Variants in BRD10 observed in about 807,000 individuals in gnomAD.
BRD10 encodes uncharacterized bromodomain-containing protein 10.
the BRD10 span, among the ~76,000 whole-genome samples, chr9:5,885,668 C>G: frequency 1.3e-5 from 2 of 152,162 alleles, no homozygotes; most frequent in Non-Finnish European, 2.9e-5. Context: ...CCACCGCACC[C>G]GGCCCATATG....
At chr9:5,887,091 T>A in the BRD10 span, among the ~76,000 whole-genome samples, 178 of 152,158 alleles carry the variant, frequency 1.2e-3, no homozygotes, top group Non-Finnish European at 1.6e-3. Flanking sequence ...AAATCCTGTC[T>A]CTACTAAAAA....
At chr9:5,954,789 G>GGT in the BRD10 span, among the ~76,000 whole-genome samples, 1 of 152,076 alleles carries the variant, frequency 6.6e-6, no homozygotes, top group Admixed American at 6.6e-5. Context: ...ATACATACAT[G>GGT]CATAAAAATT....
At chr9:5,995,163 A>G in the BRD10 span, among the ~76,000 whole-genome samples, 1 of 152,138 alleles carries the variant, frequency 6.6e-6, no homozygotes, top group Non-Finnish European at 1.5e-5. Context: ...GGCATCCCAA[A>G]TTGCTGGGAT....
chr9:5,911,576 C>T, the BRD10 span, among the ~76,000 whole-genome samples: 5 of 149,144 alleles, frequency 3.4e-5, no homozygotes, highest in African/African-American at 1.2e-4. Context: ...CTCTCTGTTG[C>T]CCAGGCGGAG....
chr9:5,975,285 C>T, the BRD10 span, among the ~76,000 whole-genome samples: 2 of 150,860 alleles, frequency 1.3e-5, no homozygotes, highest in Non-Finnish European at 3.0e-5. Context: ...AAAAAAAATA[C>T]AAAATTAGCT....
At chr9:5,928,584 A>G in the BRD10 span, among the ~76,000 whole-genome samples, 1 of 152,052 alleles carries the variant, frequency 6.6e-6, no homozygotes, top group Admixed American at 6.6e-5. Context: ...AACGCCAAAC[A>G]TGCTATCAAC....
chr9:5,940,489 G>C, the BRD10 span, among the ~76,000 whole-genome samples: 2 of 152,094 alleles, frequency 1.3e-5, no homozygotes, highest in African/African-American at 2.4e-5. Context: ...CACCGCGCCT[G>C]GCCTATTGTG....
At chr9:6,007,143 A>T in the BRD10 span, 13 of 1,547,790 alleles carry the variant, frequency 8.4e-6, no homozygotes, top group South Asian at 9.4e-5. Flanking sequence ...GGCACGTGTG[A>T]GTGTGTGTTT....
At chr9:5,954,878 G>C in the BRD10 span, among the ~76,000 whole-genome samples, 2 of 152,046 alleles carry the variant, frequency 1.3e-5, no homozygotes, top group Non-Finnish European at 2.9e-5. Flanking sequence ...ATCACCAGAG[G>C]TCAGTTCGAG....
the BRD10 span, among the ~76,000 whole-genome samples, chr9:5,895,573 G>C: frequency 6.6e-6 from 1 of 152,080 alleles, no homozygotes; most frequent in Non-Finnish European, 1.5e-5. Flanking sequence ...ACCTGCTTTG[G>C]GTATTATGTA....
the BRD10 span, among the ~76,000 whole-genome samples, chr9:5,955,226 G>A: frequency 6.6e-6 from 1 of 151,612 alleles, no homozygotes; most frequent in Non-Finnish European, 1.5e-5. Flanking sequence ...CACTGTACAA[G>A]CTACGGGGAC....
the BRD10 span, chr9:5,897,552 G>A: frequency 5.1e-5 from 82 of 1,613,642 alleles, 1 homozygote; most frequent in Admixed American, 1.3e-3. Context: ...TATCTCTTGG[G>A]CCAGGGCCGC....
chr9:5,951,249 CT>C, the BRD10 span, among the ~76,000 whole-genome samples: 1 of 151,586 alleles, frequency 6.6e-6, no homozygotes, highest in African/African-American at 2.4e-5. Context: ...CAAGTTCTAG[CT>C]TTAAAAAAAG....
At chr9:5,927,992 G>A in the BRD10 span, among the ~76,000 whole-genome samples, 1 of 152,074 alleles carries the variant, frequency 6.6e-6, no homozygotes, top group Non-Finnish European at 1.5e-5. Flanking sequence ...CCAATTATAT[G>A]TCTAAAGAGC....
the BRD10 span, among the ~76,000 whole-genome samples, chr9:6,005,463 C>T: frequency 6.6e-6 from 1 of 152,292 alleles, no homozygotes; most frequent in African/African-American, 2.4e-5. Flanking sequence ...TGAGATCACG[C>T]CACTGGACTC....
At chr9:5,920,324 A>G in the BRD10 span, 2 of 1,613,896 alleles carry the variant, frequency 1.2e-6, no homozygotes, top group Non-Finnish European at 1.7e-6. Flanking sequence ...TCCGTTAATC[A>G]TAATCTGAGT....
At chr9:5,899,749 T>G in the BRD10 span, among the ~76,000 whole-genome samples, 1 of 152,108 alleles carries the variant, frequency 6.6e-6, no homozygotes, top group Non-Finnish European at 1.5e-5. Flanking sequence ...CTTTCCCCTA[T>G]GTATGAACCA....
At chr9:5,920,981 G>T in the BRD10 span, 1 of 1,613,972 alleles carries the variant, frequency 6.2e-7, no homozygotes, top group Non-Finnish European at 8.5e-7. Flanking sequence ...CCCAGCTGAA[G>T]CAGAGGCTGA....
chr9:5,930,369 T>TTA, the BRD10 span, among the ~76,000 whole-genome samples: 1,895 of 135,526 alleles, frequency 0.014, 47 homozygotes, highest in East Asian at 0.057. Context: ...TATAAGGAGA[T>TTA]TATATATATA....
Sources: gnomAD v4.1 joint callset for allele counts (sites outside exome capture counted in the v4.1 genomes callset) on GRCh38, gnomAD v4.1.1 for gene constraint, MANE v1.5 for transcripts, NCBI Gene and HGNC (gene_info 2026-07-23, HGNC 2026-07-21) for gene names.